The following FLAD1 variants were observed in gnomAD, a reference collection of about 807,000 sequenced individuals.
FLAD1 encodes the protein flavin adenine dinucleotide synthetase 1.
In FLAD1, 35 loss-of-function variants were observed where a neutral mutation model predicts 55.0. The ratio of observed to expected loss-of-function variants is 0.64; its 90% CI spans 0.49 to 0.84. The LOEUF (loss-of-function observed/expected upper bound fraction) is 0.84, where lower values mean the gene tolerates loss of function less well. Ranked by LOEUF, FLAD1 falls within the 40% of genes least tolerant of loss-of-function variation. FLAD1 has a pLI of 0.00. For synonymous variants in FLAD1, 267 were observed against 303.0 expected, an observed-to-expected ratio of 0.88 and a Z score of 1.23; for missense variants, 665 against 742.6, an observed-to-expected ratio of 0.90 and a Z score of 1.21.
At chr1:154,986,516 A>C (rs1203954666) in intron 1 of FLAD1, among the ~76,000 whole-genome samples, 1 of 152,108 alleles carries the variant, frequency 6.6e-6, no homozygotes, top group Non-Finnish European at 1.5e-5. Flanking sequence ...TCTTCACAAC[A>C]ACCCCACACA....
intron 5 of FLAD1, 83 bp downstream of exon 5, chr1:154,990,611 G>A: frequency 7.4e-7 from 1 of 1,357,896 alleles, no homozygotes; most frequent in Non-Finnish European, 9.8e-7. Context: ...GTAGTGGGGA[G>A]GCTAGAGCCT....
At chr1:154,984,644 G>A (rs1045074365) in intron 1 of FLAD1, among the ~76,000 whole-genome samples, 1 of 149,750 alleles carries the variant, frequency 6.7e-6, no homozygotes. Flanking sequence ...GGAGGCGGAG[G>A]TTGCAGTGAG....
At chr1:154,990,657 G>A in intron 5 of FLAD1, 129 bp downstream of exon 5, 1 of 880,188 alleles carries the variant, frequency 1.1e-6, no homozygotes, top group Non-Finnish European at 1.7e-6. Context: ...ATCCAAGGGA[G>A]GCAGTGCTAT....
rs754377482 is a variant in FLAD1 at position 154,988,667 on chromosome 1, C to T, written c.935C>T (p.Ser312Phe). ...AHFGRRLGLG[S>F]YPDWGSNYYQ... ...TTTGGACGTAGGCTTGGCCTGGGTT[C>T]CTACCCTGACTGGGGCAGCAACTAC... Residue 312 changes from serine (S) to phenylalanine (F), a missense_variant, in exon 2 of 7, where the codon TCC becomes TTC. Physicochemically the swap from Ser to Phe is radical, Grantham distance 155 (BLOSUM62 -2). Transcript: ENST00000292180. The T allele has an allele frequency of 6.2e-7, 1 of 1,614,228 alleles. No homozygotes were observed. Among genetic ancestry groups the T allele is most frequent in the Non-Finnish European group, 8.5e-7 (1 of 1,180,042 alleles).
At chr1:154,986,701 AC>A (rs1558073871) in intron 1 of FLAD1, among the ~76,000 whole-genome samples, 1 of 81,804 alleles carries the variant, frequency 1.2e-5, no homozygotes, top group African/African-American at 4.9e-5. Context: ...CCAGCCCCCC[AC>A]CCTTTTTTTT....
chr1:154,983,532 GC>G lies in FLAD1; in HGVS notation c.-161del. 1.5e-6 allele frequency: 1 copy of G among 680,496 alleles called. No homozygotes were observed. Among genetic ancestry groups the G allele is most frequent in the South Asian group, 2.3e-5 (1 of 43,300 alleles). 42.2% of individuals were successfully genotyped at this position (680,496 alleles called of 1,614,324 possible). ...GTGGAGAGCGAATGCATTGAAAAGGGCCAAGGCCCAGGATAAGGTAGACATT... is the reference window on the plus strand; with the variant it reads ...GTGGAGAGCGAATGCATTGAAAAGGGCAAGGCCCAGGATAAGGTAGACATT... On this transcript the variant is annotated 5_prime_UTR_variant, in exon 1 of 7. Coordinates refer to ENST00000292180, the MANE Select transcript of FLAD1 (RefSeq NM_025207.5).
intron 1 of FLAD1, among the ~76,000 whole-genome samples, chr1:154,985,591 C>T (rs12096640): frequency 0.13 from 19,189 of 151,448 alleles, 2,951 homozygotes; most frequent in African/African-American, 0.37. Context: ...TTAGTAGGGA[C>T]GGATGGGGTT....
In FLAD1 at chr1:154,983,855, A is replaced by T; in HGVS notation, c.161A>T (p.Gln54Leu). 6.2e-7 allele frequency: 1 copy of T among 1,614,180 alleles called. No individual in the cohort carries two copies. Among genetic ancestry groups the T allele is most frequent in the Non-Finnish European group, 8.5e-7 (1 of 1,180,000 alleles). The change falls in exon 1 of 7, where the codon CAG becomes CTG. Residue 54 changes from glutamine to leucine, a missense_variant. Transcript: ENST00000292180. ...TGGCTTCTCCAGGTTCCCTCGACCC[A>T]GGACCCCCTGTTCCCAGGCTATGGC... ...LFWLLQVPST[Q>L]DPLFPGYGPQ...
At position 154,988,351 on chromosome 1, in the gene FLAD1, G is replaced by A; in HGVS notation, c.619G>A (p.Ala207Thr). The A allele has an allele frequency of 6.2e-7, 1 of 1,614,206 alleles. No individual in the cohort carries two copies. Among genetic ancestry groups the A allele is most frequent in the Non-Finnish European group, 8.5e-7 (1 of 1,180,036 alleles). ...DELKPHPKLE[A>T]ATKALGGEGW... is the part of the protein sequence containing the mutation. ...GCTGAAGCCACACCCCAAGTTGGAA[G>A]CAGCCACCAAAGCCCTAGGAGGGGA... The change falls in exon 2 of 7, where the codon GCA (alanine) becomes ACA (threonine). Residue 207 changes from alanine to threonine, a missense_variant. Coordinates refer to ENST00000292180, the MANE Select transcript of FLAD1 (RefSeq NM_025207.5).
At chr1:154,987,783 T>G (rs1427124587) in intron 1 of FLAD1, 1 of 517,454 alleles carries the variant, frequency 1.9e-6, no homozygotes. Context: ...CAAAAAAAAT[T>G]TAAAATGAGC....
At chr1:154,986,019 C>CTGTGTGTGTGTGTGTG (rs57098553) in intron 1 of FLAD1, among the ~76,000 whole-genome samples, 2 of 143,042 alleles carry the variant, frequency 1.4e-5, no homozygotes, top group African/African-American at 5.2e-5. Context: ...CTGCGCCCGG[C>CTGTGTGTGTGTGTGTG]TGTGTGTGTG....
At chr1:154,989,414 C>A (rs1558075791) in intron 2 of FLAD1, 146 bp from the exon 3 acceptor site, 1 of 781,352 alleles carries the variant, frequency 1.3e-6, no homozygotes, top group Non-Finnish European at 1.9e-6. Flanking sequence ...GACTGCAGGG[C>A]CTAGCGGGCA....
At chr1:154,991,639 A>T (rs1657875102) in intron 5 of FLAD1, among the ~76,000 whole-genome samples, 1 of 152,008 alleles carries the variant, frequency 6.6e-6, no homozygotes, top group South Asian at 2.1e-4. Context: ...GATACAGAAC[A>T]TTTCCATCAT....
At position 154,989,634 on chromosome 1, in the gene FLAD1, C is replaced by G. The variant is rs1431047951; in HGVS notation, c.1192C>G (p.Gln398Glu). The change falls in exon 3 of 7, where the codon CAG (glutamine) becomes GAG (glutamate). Residue 398 changes from glutamine (Q) to glutamate (E), a missense_variant. By Grantham distance (29) the Gln-to-Glu change is conservative (BLOSUM62 2). Coordinates refer to ENST00000292180, the MANE Select transcript of FLAD1 (RefSeq NM_025207.5). ...CTCCCTGGCTCAGTACAGCCTCACC[C>G]AGCTCTGTGTGGGCTTCAACGGGGG... ...ETSLAQYSLT[Q>E]LCVGFNGGKD... The G allele has an allele frequency of 2.5e-6, 4 of 1,603,028 alleles. No individual in the cohort carries two copies. The highest frequency in any genetic ancestry group is 1.7e-4 in the Middle Eastern group (1 of 6,018).
intron 5 of FLAD1, among the ~76,000 whole-genome samples, chr1:154,991,673 A>G (rs1261786693): frequency 1.3e-5 from 2 of 152,188 alleles, no homozygotes; most frequent in Non-Finnish European, 2.9e-5. Context: ...GGCCAGGCAC[A>G]GTGGCTCACA....
At chr1:154,989,245 G>T (rs1657757555) in intron 2 of FLAD1, among the ~76,000 whole-genome samples, 1 of 152,120 alleles carries the variant, frequency 6.6e-6, no homozygotes, top group Admixed American at 6.5e-5. Flanking sequence ...TTCAGTAGGT[G>T]GGCAAGAGCC....
At position 154,992,996 on chromosome 1, in the gene FLAD1, C is replaced by T; in HGVS notation, c.1723C>T (p.Leu575=). 1 of 1,614,130 alleles carries T rather than the reference C, an allele frequency of 6.2e-7. No homozygotes were observed. Among genetic ancestry groups the T allele is most frequent in the Non-Finnish European group, 8.5e-7 (1 of 1,180,014 alleles). ...ACACCCCACATACCGTCCAGCCTAT[C>T]TACTGGAGAACGAAGAAGAGGAGCG... ...GGHPTYRPAY[L]LENEEEERNS... Residue 575 remains leucine, a synonymous_variant, in exon 7 of 7, where the codon CTA becomes TTA. Transcript: ENST00000292180.
At chr1:154,988,040 C>T in intron 1 of FLAD1, 65 bp from the exon 2 acceptor site, 1 of 1,612,582 alleles carries the variant, frequency 6.2e-7, no homozygotes, top group Middle Eastern at 1.7e-4. Flanking sequence ...ATGCAGCCAT[C>T]ATCTTCAACC....
intron 1 of FLAD1, 79 bp downstream of exon 1, chr1:154,984,145 G>A: frequency 7.6e-7 from 1 of 1,311,106 alleles, no homozygotes; most frequent in South Asian, 2.3e-5. Context: ...CTCCATGGAA[G>A]GAGGTGAAAC....
Sources: gnomAD v4.1 joint callset for allele counts (sites outside exome capture counted in the v4.1 genomes callset) on GRCh38, gnomAD v4.1.1 for gene constraint, MANE v1.5 for transcripts, NCBI Gene and HGNC (gene_info 2026-07-23, HGNC 2026-07-21) for gene names.